KIF1A: variants seen among roughly 807,000 people sequenced by gnomAD.
KIF1A encodes kinesin family member 1A, also known as kinesin-like protein KIF1A.
Under a neutral mutation model 227.3 loss-of-function variants are expected in KIF1A, and 46 were observed. The ratio of observed to expected loss-of-function variants is 0.20; its 90% CI spans 0.16 to 0.26. The LOEUF (loss-of-function observed/expected upper bound fraction) is 0.26, where lower values mean the gene tolerates loss of function less well. KIF1A is among the 10% of genes least tolerant of loss of function. The probability of loss-of-function intolerance (pLI) is 1.00; values close to 1 mark genes in which losing one functional copy is unlikely to be tolerated. For synonymous variants in KIF1A, 1,022 were observed against 1,012.8 expected, an observed-to-expected ratio of 1.01 and a Z score of -0.17; for missense variants, 1,683 against 2,485.9, an observed-to-expected ratio of 0.68 and a Z score of 6.87.
At chr2:240,764,290 A>G (rs955669266) in intron 20 of KIF1A, among the ~76,000 whole-genome samples, 2 of 152,082 alleles carry the variant, frequency 1.3e-5, no homozygotes, top group Non-Finnish European at 2.9e-5. Flanking sequence ...ACCCCAAGCT[A>G]AGGCCTCTCT....
At chr2:240,754,394 G>A (rs10166431) in intron 27 of KIF1A, among the ~76,000 whole-genome samples, 72,801 of 151,976 alleles carry the variant, frequency 0.48, 17,614 homozygotes, top group East Asian at 0.64. Flanking sequence ...TGCCTGGCTC[G>A]GTGATAGACT....
Position 240,737,116 on chromosome 2 carries a change from G to T in KIF1A, c.3954C>A (p.Ile1318=). Residue 1318 remains isoleucine, a synonymous_variant, in exon 38 of 49, where the codon ATC becomes ATA. Coordinates refer to ENST00000498729, the MANE Select transcript of KIF1A (RefSeq NM_001244008.2). ...CGGAAGAGAGGATGTTGAGAGACAA[G>T]ATGTTGGGGTCGATCAGGGACTCGT... The part of the protein sequence containing the change: ...ETDESLIDPN[I]LSLNILSSGY... 1 of 1,613,850 alleles carries T rather than the reference G, an allele frequency of 6.2e-7. No individual in the cohort carries two copies. Among genetic ancestry groups the T allele is most frequent in the Non-Finnish European group, 8.5e-7 (1 of 1,179,750 alleles).
chr2:240,800,146 A>ACACT (rs1553640864), intron 1 of KIF1A, among the ~76,000 whole-genome samples: 1 of 150,286 alleles, frequency 6.7e-6, no homozygotes, highest in Non-Finnish European at 1.5e-5. Context: ...ACACACACAC[A>ACACT]CTAAAGAAAA....
intron 38 of KIF1A, among the ~76,000 whole-genome samples, chr2:240,735,642 G>T (rs2047225083): frequency 6.6e-6 from 1 of 152,132 alleles, no homozygotes; most frequent in South Asian, 2.1e-4. Context: ...CCAATTCCTG[G>T]TCCCCCATGG....
rs573846337 is a variant in KIF1A, at chr2:240,789,959, G to A, written c.107-647C>T. Among the ~76,000 whole-genome samples, 22 of 152,232 alleles carry A rather than the reference G, an allele frequency of 1.4e-4. No individual in the cohort carries two copies. The highest frequency in any genetic ancestry group is 4.6e-4 in the African/African-American group (19 of 41,552). The stretch of plus-strand genomic sequence containing the variant: ...AAACCCAGAACAAATCCATGAACAC[G>A]TGATGATGCCCCCGCCCACAGCCGG... On this transcript the variant is annotated intron_variant, in intron 2 of 48. Transcript: ENST00000498729. This position sits in a 1 kb window ranked among gnomAD's most constrained non-coding sequence, Gnocchi z 4.8.
At chr2:240,737,228 G>A (rs928635230) in intron 37 of KIF1A, 60 bp from the exon 38 acceptor site, 13 of 1,365,542 alleles carry the variant, frequency 9.5e-6, no homozygotes, top group South Asian at 3.5e-5. Context: ...ACCCTGGGGG[G>A]CTGCCTCAGG....
At position 240,803,108 on chromosome 2, in the gene KIF1A, C is replaced by T. The variant is rs149936294; in HGVS notation, c.-60-5296G>A. Among the ~76,000 whole-genome samples, 839 of 152,292 alleles carry T rather than the reference C, an allele frequency of 5.5e-3. 10 individuals carry two copies. Among genetic ancestry groups the T allele is most frequent in the African/African-American group, 0.019 (791 of 41,554 alleles). ...TCAAAAAAAATCACCTACAAAACAA[C>T]CCAATTGCTTGGACACTAAGCAATA... is the stretch of plus-strand genomic sequence containing the variant. On this transcript the variant is annotated intron_variant, in intron 1 of 48. Transcript: ENST00000498729.
At chr2:240,730,933 C>T (rs2046529405) in intron 38 of KIF1A, among the ~76,000 whole-genome samples, 1 of 152,198 alleles carries the variant, frequency 6.6e-6, no homozygotes, top group East Asian at 1.9e-4. Context: ...CCACCTCCAG[C>T]CTGAGTCCTG....
In KIF1A at chr2:240,757,423, A is replaced by ATCCTCCTCC. The variant is rs10594016; in HGVS notation, c.2745_2753dup (p.Glu915_Glu917dup). The ATCCTCCTCC allele has an allele frequency of 5.4e-6, 8 of 1,482,760 alleles. No homozygotes were observed. Among genetic ancestry groups the ATCCTCCTCC allele is most frequent in the East Asian group, 2.6e-5 (1 of 38,826 alleles). The allele number at this position is 1,482,760 out of a possible 1,614,324, so 91.9% of individuals were successfully genotyped here. On this transcript the variant is annotated inframe_insertion, in exon 27 of 49. Coordinates refer to ENST00000498729, the MANE Select transcript of KIF1A (RefSeq NM_001244008.2). The surrounding 1 kb of genome is among the most constrained non-coding windows in gnomAD (Gnocchi z 6.2). ...CGTCCTCCAGGTCCTCCTCCTCCTC[A>ATCCTCCTCC]TCCTCCTCCTCCTCCTCCTCCTCCT...
chr2:240,772,632 C>T, intron 13 of KIF1A, 36 bp from the exon 14 acceptor site: 3 of 1,503,102 alleles, frequency 2.0e-6, no homozygotes, highest in Non-Finnish European at 2.7e-6. Flanking sequence ...GGGGGAGAGA[C>T]AGAGAAACAG....
rs114597895 is a variant in KIF1A at position 240,750,995 on chromosome 2, A to G, written c.2859-448T>C. On this transcript the variant is annotated intron_variant, in intron 27 of 48. Coordinates refer to ENST00000498729, the MANE Select transcript of KIF1A (RefSeq NM_001244008.2). The stretch of plus-strand genomic sequence containing the variant: ...TCCCTGATGCTCACGGACCCCGCAG[A>G]ACCCCTTCCCCAGACAGAAACTCGG... Among the ~76,000 whole-genome samples the G allele has an allele frequency of 1.8e-3, 273 of 152,210 alleles. 1 individual carries two copies. The highest frequency in any genetic ancestry group is 6.4e-3 in the African/African-American group (267 of 41,504).
At chr2:240,743,825 G>T in intron 33 of KIF1A, 117 bp downstream of exon 33, 1 of 678,818 alleles carries the variant, frequency 1.5e-6, no homozygotes, top group East Asian at 2.6e-5. Flanking sequence ...TGGATGGGCA[G>T]GGGAGGTGGG....
At chr2:240,812,907 C>A (rs1347134119) in intron 1 of KIF1A, among the ~76,000 whole-genome samples, 3 of 148,038 alleles carry the variant, frequency 2.0e-5, no homozygotes, top group South Asian at 2.1e-4. Context: ...CGGGGATCCG[C>A]CTTCACCTCG....
chr2:240,786,712 C>A (rs902770601), intron 5 of KIF1A, among the ~76,000 whole-genome samples, 199 bp from the exon 6 acceptor site: 16 of 136,896 alleles, frequency 1.2e-4, no homozygotes, highest in Non-Finnish European at 4.7e-5. Flanking sequence ...GCATCAGGAC[C>A]CCTGAGTGAG....
intron 5 of KIF1A, among the ~76,000 whole-genome samples, chr2:240,786,802 T>TCAGGACCCCTGAGTGAGGGGTGGGG (rs1559530234): frequency 3.3e-5 from 1 of 30,280 alleles, no homozygotes; most frequent in African/African-American, 1.1e-4. Flanking sequence ...GGGTGGGGGC[T>TCAGGACCCCTGAGTGAGGGGTGGGG]GCCATCAGGA....
At chr2:240,819,827 C>T (rs993022956) in intron 1 of KIF1A, among the ~76,000 whole-genome samples, 4 of 152,162 alleles carry the variant, frequency 2.6e-5, no homozygotes, top group African/African-American at 9.7e-5. Context: ...GACCCCCGCC[C>T]GCCTAAGCCG....
rs554448293 is a variant in KIF1A, at chr2:240,802,281, C to A, written c.-60-4469G>T. The stretch of plus-strand genomic sequence containing the variant: ...TACATGTTGTCATTGCTAGGGTAAT[C>A]ATTTAGAAAGTAGAAAACTAATGTA... On this transcript the variant is annotated intron_variant, in intron 1 of 48. Transcript: ENST00000498729. Among the ~76,000 whole-genome samples the A allele has an allele frequency of 2.0e-5, 3 of 151,984 alleles. No individual in the cohort carries two copies. In the East Asian group the frequency reaches 5.8e-4, roughly 29 times the overall value.
intron 37 of KIF1A, among the ~76,000 whole-genome samples, chr2:240,738,122 CAG>C (rs1216756785): frequency 6.6e-6 from 1 of 152,226 alleles, no homozygotes; most frequent in African/African-American, 2.4e-5. Context: ...GCTGCCTGGG[CAG>C]AGCCACTCTC....
intron 28 of KIF1A, 56 bp from the exon 29 acceptor site, chr2:240,747,377 T>C (rs2048728833): frequency 1.4e-6 from 2 of 1,448,386 alleles, no homozygotes; most frequent in Non-Finnish European, 1.9e-6. Flanking sequence ...GAGGTGGGTG[T>C]GGGCAGAGCC....
Sources: allele counts gnomAD v4.1 joint callset (sites outside exome capture counted in the v4.1 genomes callset), GRCh38; gene constraint gnomAD v4.1.1; non-coding constraint Gnocchi (gnomAD v3.1); transcripts MANE v1.5; gene names NCBI Gene and HGNC (gene_info 2026-07-23, HGNC 2026-07-21).